Variants in SNX10 observed in about 807,000 individuals in gnomAD.
SNX10 encodes the protein sorting nexin 10.
Under a neutral mutation model 28.5 loss-of-function variants are expected in SNX10, and 25 were observed. The observed-to-expected ratio is 0.88, with a 90% CI of 0.64 to 1.22. SNX10 has a LOEUF of 1.22. Among genes scored for constraint, SNX10 ranks in the 50% most tolerant of loss-of-function variants. SNX10 has a pLI of 0.00. For missense variants in SNX10, 223 were observed against 242.6 expected, an observed-to-expected ratio of 0.92 and a Z score of 0.54; for synonymous variants, 62 against 81.4, an observed-to-expected ratio of 0.76 and a Z score of 1.28.
At chr7:26,315,818 A>T (rs995030513) in intron 1 of SNX10, among the ~76,000 whole-genome samples, 3 of 152,298 alleles carry the variant, frequency 2.0e-5, no homozygotes, top group Admixed American at 2.0e-4. Flanking sequence ...GAAGCTGACA[A>T]ATTTGAGATT....
chr7:26,349,267 C>T (rs779837421), intron 2 of SNX10, among the ~76,000 whole-genome samples: 6 of 152,056 alleles, frequency 3.9e-5, no homozygotes, highest in Non-Finnish European at 8.8e-5. Flanking sequence ...TTACCATCCT[C>T]GTAACAAGAT....
rs543207590 is a variant in SNX10 at position 26,352,716 on chromosome 7, C to T, written c.24+6250C>T. Among the ~76,000 whole-genome samples, 8 of 152,256 alleles carry T rather than the reference C, an allele frequency of 5.3e-5. No homozygotes were observed. In the South Asian group the frequency reaches 1.4e-3, roughly 28 times the overall value. On this transcript the variant is annotated intron_variant, in intron 2 of 6. Coordinates refer to ENST00000338523, the MANE Select transcript of SNX10 (RefSeq NM_013322.3). The stretch of plus-strand genomic sequence containing the variant: ...AAATAATTAAACAATTCCTTCATAT[C>T]ATCAAATATTCAATGTGCAAATTAC...
At chr7:26,334,376 A>G (rs1162776148) in intron 1 of SNX10, among the ~76,000 whole-genome samples, 1 of 152,194 alleles carries the variant, frequency 6.6e-6, no homozygotes, top group Non-Finnish European at 1.5e-5. Flanking sequence ...CCTCTCTCTC[A>G]TATGTAATTT....
chr7:26,352,204 A>G (rs907428083), intron 2 of SNX10, among the ~76,000 whole-genome samples: 2 of 152,216 alleles, frequency 1.3e-5, no homozygotes, highest in African/African-American at 4.8e-5. Context: ...GAAAGATTGT[A>G]TAGTGAATAA....
In SNX10 at chr7:26,349,492, G is replaced by T. The variant is rs151013227; in HGVS notation, c.24+3026G>T. ...TTAAGCATGTTCCATTTGCACATTG[G>T]TTTGAATTCCCAGGAGAGCAGTATC... On this transcript the variant is annotated intron_variant, in intron 2 of 6. Coordinates refer to ENST00000338523, the MANE Select transcript of SNX10 (RefSeq NM_013322.3). Among the ~76,000 whole-genome samples, 659 of 152,188 alleles carry T rather than the reference G, an allele frequency of 4.3e-3. 2 individuals carry two copies. Among genetic ancestry groups the T allele is most frequent in the Non-Finnish European group, 7.2e-3 (487 of 68,012 alleles).
At chr7:26,309,413 T>C (rs1033003036) in intron 1 of SNX10, among the ~76,000 whole-genome samples, 1 of 151,152 alleles carries the variant, frequency 6.6e-6, no homozygotes, top group Non-Finnish European at 1.5e-5. Context: ...CCTGGAACGC[T>C]CACCCAGTCG....
At chr7:26,337,412 G>C (rs10270279) in intron 1 of SNX10, among the ~76,000 whole-genome samples, 59,639 of 152,010 alleles carry the variant, frequency 0.39, 12,691 homozygotes, top group South Asian at 0.57. Flanking sequence ...ATTCACAGAA[G>C]TGAAACTCTG....
At chr7:26,366,782 T>C (rs149384915) in intron 5 of SNX10, among the ~76,000 whole-genome samples, 3 of 152,342 alleles carry the variant, frequency 2.0e-5, no homozygotes, top group African/African-American at 4.8e-5. Context: ...GCAGGGTATG[T>C]GTTTTTGACC....
chr7:26,306,412 ATT>A (rs35204396), intron 1 of SNX10, among the ~76,000 whole-genome samples: 25 of 142,196 alleles, frequency 1.8e-4, no homozygotes, highest in Admixed American at 4.9e-4. Flanking sequence ...CTTGAAGAGA[ATT>A]TTTTTTTTTT....
rs547965883 is a variant in SNX10, at chr7:26,303,373, C to T, written c.-24+11287C>T. Among the ~76,000 whole-genome samples the T allele has an allele frequency of 2.1e-4, 32 of 152,314 alleles. 1 individual carries two copies. The East Asian group carries it at 5.4e-3, about 26-fold the overall frequency. ...CCAAGGCCCAAGTCCTCTAACTCCC[C>T]GTCGCTGTTTCTCTGGCTGGGGCTT... On this transcript the variant is annotated intron_variant, in intron 1 of 6. Coordinates refer to ENST00000338523, the MANE Select transcript of SNX10 (RefSeq NM_013322.3).
chr7:26,357,193 A>G (rs771000755), intron 2 of SNX10: 2 of 207,104 alleles, frequency 9.7e-6, no homozygotes, highest in Non-Finnish European at 2.0e-5. Flanking sequence ...TCCCAGAGAC[A>G]TTAGGGGCCC....
At chr7:26,369,981 A>G (rs1372150069) in intron 5 of SNX10, among the ~76,000 whole-genome samples, 1 of 152,220 alleles carries the variant, frequency 6.6e-6, no homozygotes, top group Non-Finnish European at 1.5e-5. Flanking sequence ...GTCCAATATC[A>G]TTGGCATTAG....
At chr7:26,347,106 A>G (rs1788419762) in intron 2 of SNX10, among the ~76,000 whole-genome samples, 1 of 145,942 alleles carries the variant, frequency 6.9e-6, no homozygotes, top group Admixed American at 6.9e-5. Flanking sequence ...GGGCCTGTCT[A>G]GGGAGTGTGC....
intron 1 of SNX10, among the ~76,000 whole-genome samples, chr7:26,307,902 A>G (rs1584096933): frequency 6.6e-6 from 1 of 152,088 alleles, no homozygotes; most frequent in East Asian, 1.9e-4. Context: ...GATGAAGCTC[A>G]TGGCTTGTAA....
intron 1 of SNX10, among the ~76,000 whole-genome samples, chr7:26,316,192 A>AC (rs1787080483): frequency 6.6e-6 from 1 of 151,960 alleles, no homozygotes. Context: ...AAAAAAAAAA[A>AC]AAAAACAAAA....
At chr7:26,299,558 G>A (rs554266736) in intron 1 of SNX10, among the ~76,000 whole-genome samples, 1 of 151,572 alleles carries the variant, frequency 6.6e-6, no homozygotes, top group South Asian at 2.1e-4. Context: ...AGCCTCCCCA[G>A]TAGCTGGGAT....
intron 1 of SNX10, among the ~76,000 whole-genome samples, chr7:26,311,958 G>A (rs1280959223): frequency 6.6e-6 from 1 of 152,036 alleles, no homozygotes; most frequent in African/African-American, 2.4e-5. Flanking sequence ...CAGGCTCTGT[G>A]GCTTTGGGCA....
At chr7:26,317,351 C>T (rs1378552989) in intron 1 of SNX10, among the ~76,000 whole-genome samples, 2 of 152,150 alleles carry the variant, frequency 1.3e-5, no homozygotes, top group African/African-American at 4.8e-5. Context: ...GCACGTTGGT[C>T]ACTTTGTGGT....
chr7:26,333,645 A>G (rs189948991), intron 1 of SNX10, among the ~76,000 whole-genome samples: 2 of 152,240 alleles, frequency 1.3e-5, no homozygotes, highest in East Asian at 3.9e-4. Context: ...TTGATGCTAT[A>G]TTTAGGTAGT....
Sources: allele counts gnomAD v4.1 joint callset (sites outside exome capture counted in the v4.1 genomes callset), GRCh38; gene constraint gnomAD v4.1.1; transcripts MANE v1.5; gene names NCBI Gene and HGNC (gene_info 2026-07-23, HGNC 2026-07-21).